GRIK1: variants seen among roughly 807,000 people sequenced by gnomAD.
The protein encoded by GRIK1 is glutamate ionotropic receptor kainate type subunit 1.
Under a neutral mutation model 105.7 loss-of-function variants are expected in GRIK1, and 69 were observed. That is an observed-to-expected ratio of 0.65 (90% CI 0.54 to 0.80). GRIK1 has a LOEUF of 0.80. Among genes scored for constraint, GRIK1 ranks in the 30% least tolerant of loss-of-function variants. GRIK1 has a pLI of 0.00. For missense variants in GRIK1, 1,109 were observed against 1,167.3 expected, an observed-to-expected ratio of 0.95 and a Z score of 0.73; for synonymous variants, 438 against 431.3, an observed-to-expected ratio of 1.02 and a Z score of -0.19.
intron 1 of GRIK1, among the ~76,000 whole-genome samples, chr21:29,766,545 C>A (rs149353478): frequency 1.3e-5 from 2 of 152,264 alleles, no homozygotes; most frequent in Non-Finnish European, 2.9e-5. Flanking sequence ...TTTGATAACA[C>A]CAAGTTTTGG....
chr21:29,617,572 C>A (rs1182352227), intron 7 of GRIK1, among the ~76,000 whole-genome samples: 1 of 152,170 alleles, frequency 6.6e-6, no homozygotes, highest in East Asian at 1.9e-4. Context: ...GTACCCGGGC[C>A]CAGTGCCAAG....
Position 29,541,575 on chromosome 21 carries a change from C to CTTTTTTTTTTTTTTTTTTTTTT in GRIK1, c.2608-3692_2608-3691insAAAAAAAAAAAAAAAAAAAAAA, listed in dbSNP as rs34910439. ...CTATGCCATTCATTGCACTCACGGT[C>CTTTTTTTTTTTTTTTTTTTTTT]TTTTTTTTTTTTTTTTTTTTTGTGG... On this transcript the variant is annotated intron_variant, in intron 16 of 17. Transcript: ENST00000327783. Among the ~76,000 whole-genome samples the CTTTTTTTTTTTTTTTTTTTTTT allele has an allele frequency of 1.4e-3, 137 of 95,954 alleles. 7 individuals are homozygous for CTTTTTTTTTTTTTTTTTTTTTT. Among genetic ancestry groups the CTTTTTTTTTTTTTTTTTTTTTT allele is most frequent in the Admixed American group, 2.5e-3 (22 of 8,664 alleles). 62.9% of individuals were successfully genotyped at this position (95,954 alleles called of 152,430 possible).
chr21:29,663,206 A>G (rs1465849752), intron 4 of GRIK1, among the ~76,000 whole-genome samples: 2 of 152,178 alleles, frequency 1.3e-5, no homozygotes, highest in African/African-American at 4.8e-5. Context: ...AGGAGGTGCA[A>G]GTGGCAGGAA....
chr21:29,626,419 A>T (rs774333308), intron 7 of GRIK1, among the ~76,000 whole-genome samples: 33 of 152,292 alleles, frequency 2.2e-4, no homozygotes, highest in Admixed American at 4.6e-4. Context: ...AAATCGTAAC[A>T]TCCAGGGTGA....
intron 1 of GRIK1, among the ~76,000 whole-genome samples, chr21:29,722,724 A>G (rs1402162064): frequency 6.6e-6 from 1 of 152,174 alleles, no homozygotes; most frequent in African/African-American, 2.4e-5. Flanking sequence ...GGAGAATCAG[A>G]AAACAAAAAT....
intron 1 of GRIK1, among the ~76,000 whole-genome samples, chr21:29,898,715 T>C (rs2070270891): frequency 6.6e-6 from 1 of 152,254 alleles, no homozygotes; most frequent in African/African-American, 2.4e-5. Flanking sequence ...TCAGAAATCA[T>C]GCTGATAGCA....
chr21:29,695,436 ATATCTATCTATC>A (rs36155253), intron 1 of GRIK1, among the ~76,000 whole-genome samples: 64 of 146,746 alleles, frequency 4.4e-4, no homozygotes, highest in African/African-American at 1.5e-3. Context: ...ATCTATATCA[ATATCTATCTATC>A]TATCTATCTA....
intron 1 of GRIK1, among the ~76,000 whole-genome samples, chr21:29,739,370 G>C (rs1569034289): frequency 6.6e-6 from 1 of 152,194 alleles, no homozygotes; most frequent in Non-Finnish European, 1.5e-5. Context: ...TGTGTGGATA[G>C]AAGTTGAAGT....
chr21:29,611,944 G>A (rs1384954309), intron 7 of GRIK1, among the ~76,000 whole-genome samples: 1 of 152,154 alleles, frequency 6.6e-6, no homozygotes, highest in Non-Finnish European at 1.5e-5. Flanking sequence ...GGATCTGCTG[G>A]GTTCCATTTA....
At chr21:29,863,070 G>A (rs2068695685) in intron 1 of GRIK1, among the ~76,000 whole-genome samples, 1 of 152,166 alleles carries the variant, frequency 6.6e-6, no homozygotes, top group Non-Finnish European at 1.5e-5. Context: ...ATATGTGTCT[G>A]TGAATCCATG....
chr21:29,683,758 A>C (rs1273947425), intron 3 of GRIK1, among the ~76,000 whole-genome samples: 1 of 152,188 alleles, frequency 6.6e-6, no homozygotes, highest in African/African-American at 2.4e-5. Context: ...TGTACCCTTT[A>C]ATCTAAACCA....
At chr21:29,825,347 T>C (rs186692795) in intron 1 of GRIK1, among the ~76,000 whole-genome samples, 17 of 152,128 alleles carry the variant, frequency 1.1e-4, no homozygotes, top group African/African-American at 4.1e-4. Context: ...TAGAAGTTAG[T>C]GATGATGTAA....
intron 1 of GRIK1, among the ~76,000 whole-genome samples, chr21:29,843,382 A>G (rs2068032309): frequency 6.6e-6 from 1 of 152,126 alleles, no homozygotes; most frequent in Admixed American, 6.5e-5. Flanking sequence ...TTTAGTGTGT[A>G]ATTTTCTCAA....
chr21:29,808,675 A>G (rs2066927426), intron 1 of GRIK1, among the ~76,000 whole-genome samples: 1 of 152,178 alleles, frequency 6.6e-6, no homozygotes. Flanking sequence ...CAGAAGCACT[A>G]AAGGGAATTG....
At chr21:29,798,453 A>C (rs780227866) in intron 1 of GRIK1, among the ~76,000 whole-genome samples, 1 of 152,238 alleles carries the variant, frequency 6.6e-6, no homozygotes, top group Non-Finnish European at 1.5e-5. Context: ...ACAACTATAT[A>C]GCTTAGAGCC....
In GRIK1 at chr21:29,687,552, A is replaced by G. The variant is rs79862272; in HGVS notation, c.544+2176T>C. On this transcript the variant is annotated intron_variant, in intron 3 of 17. Coordinates refer to ENST00000327783, the MANE Select transcript of GRIK1 (RefSeq NM_001330994.2). ...TCATTTTAACTTGAATCATCTCTCA[A>G]TGGGCGACATACGAAATCATTTTGG... Among the ~76,000 whole-genome samples, 314 of 152,296 alleles carry G rather than the reference A, an allele frequency of 2.1e-3. 1 individual carries two copies. Among genetic ancestry groups the G allele is most frequent in the African/African-American group, 7.2e-3 (300 of 41,556 alleles).
chr21:29,912,487 C>T (rs980144962), intron 1 of GRIK1, among the ~76,000 whole-genome samples: 7 of 152,080 alleles, frequency 4.6e-5, no homozygotes, highest in Non-Finnish European at 8.8e-5. Flanking sequence ...AAAAATCGGC[C>T]AGAAGCCCCT....
Position 29,689,840 on chromosome 21 carries a change from A to T in GRIK1, c.432T>A (p.Asp144Glu), listed in dbSNP as rs147345726. 2.5e-6 allele frequency: 4 copies of T among 1,614,054 alleles called. No homozygotes were observed. The highest frequency in any genetic ancestry group is 3.4e-6 in the Non-Finnish European group (4 of 1,179,992). The change falls in exon 3 of 18, where the codon GAT becomes GAA. Residue 144 changes from aspartate to glutamate, a missense_variant. Around this residue, in one of 5 missense-constraint regions of GRIK1, gnomAD observed 612 missense variants for 586.0 expected, o/e 1.04. Transcript: ENST00000327783. Reference protein sequence around the residue: ...RWKHPSVDNKDLFYINLYPDY... With the variant: ...RWKHPSVDNKELFYINLYPDY... The stretch of plus-strand genomic sequence containing the variant: ...CTGGGTAAAGGTTGATGTAAAACAA[A>T]TCTTTGTTGTCCACCGAGGGGTGTT...
chr21:29,842,869 C>A (rs938235445), intron 1 of GRIK1, among the ~76,000 whole-genome samples: 3 of 152,106 alleles, frequency 2.0e-5, no homozygotes, highest in Non-Finnish European at 4.4e-5. Flanking sequence ...AGTTTAATAC[C>A]CCTATAGGCT....
Sources: allele counts gnomAD v4.1 joint callset (sites outside exome capture counted in the v4.1 genomes callset), GRCh38; gene constraint gnomAD v4.1.1; regional missense constraint gnomAD v4.1.1; transcripts MANE v1.5; gene names NCBI Gene and HGNC (gene_info 2026-07-23, HGNC 2026-07-21).